The following PTPRD variants were observed in gnomAD, a reference collection of about 807,000 sequenced individuals.
PTPRD encodes receptor-type tyrosine-protein phosphatase delta.
A neutral mutation model predicts 214.5 loss-of-function variants in PTPRD; 34 were observed. The ratio of observed to expected loss-of-function variants is 0.16; its 90% CI spans 0.12 to 0.21. The LOEUF is 0.21. Among genes scored for constraint, PTPRD ranks in the 10% least tolerant of loss-of-function variants. The pLI is 1.00. For missense variants in PTPRD, 2,545 were observed against 2,398.7 expected (o/e 1.06, Z -1.27); for synonymous variants, 1,128 against 845.7 (o/e 1.33, Z -5.79).
rs75082064 is a variant in PTPRD at position 8,832,581 on chromosome 9, G to C, written c.-103-98635C>G. Among the ~76,000 whole-genome samples the C allele has an allele frequency of 5.3e-5, 8 of 152,176 alleles. No individual in the cohort carries two copies. The East Asian group carries it at 1.5e-3, about 29-fold the overall frequency. ...GAGGTCACAATATACTTCAAGTTAT[G>C]AGAAAGAGAAAATTAACCAGTGTTT... On this transcript the variant is annotated intron_variant, in intron 11 of 45. Transcript: ENST00000381196.
chr9:10,484,565 TG>T (rs2132339283), intron 2 of PTPRD, among the ~76,000 whole-genome samples: 1 of 152,238 alleles, frequency 6.6e-6, no homozygotes, highest in South Asian at 2.1e-4. Context: ...GCCTGTCTTT[TG>T]GATAAAAGCC....
intron 8 of PTPRD, among the ~76,000 whole-genome samples, chr9:9,515,571 G>A (rs893374489): frequency 6.6e-6 from 1 of 151,958 alleles, no homozygotes; most frequent in African/African-American, 2.4e-5. Context: ...TCTCGAGGTG[G>A]TTGCAAAATG....
chr9:8,577,803 G>A (rs1271605259), intron 14 of PTPRD, among the ~76,000 whole-genome samples: 2 of 152,100 alleles, frequency 1.3e-5, no homozygotes, highest in Non-Finnish European at 2.9e-5. Flanking sequence ...AAAATCTCGG[G>A]CCCTACTCAA....
chr9:10,352,041 T>G (rs1292855110), intron 2 of PTPRD, among the ~76,000 whole-genome samples: 1 of 151,978 alleles, frequency 6.6e-6, no homozygotes, highest in African/African-American at 2.4e-5. Context: ...CCACAAGTGG[T>G]GGAAAGAGAA....
chr9:9,976,466 AAC>A (rs2095355690), intron 4 of PTPRD, among the ~76,000 whole-genome samples: 3 of 151,794 alleles, frequency 2.0e-5, no homozygotes, highest in Non-Finnish European at 4.4e-5. Context: ...GGCTCACTGC[AAC>A]CTTTGCCTCC....
At chr9:9,242,117 T>C (rs10816072) in intron 9 of PTPRD, among the ~76,000 whole-genome samples, 26,113 of 152,010 alleles carry the variant, frequency 0.17, 2,743 homozygotes, top group East Asian at 0.37. Flanking sequence ...TTAGTTTGGC[T>C]GGATATGAAA....
At chr9:8,812,845 A>G (rs2096839165) in intron 11 of PTPRD, among the ~76,000 whole-genome samples, 1 of 151,980 alleles carries the variant, frequency 6.6e-6, no homozygotes, top group South Asian at 2.1e-4. Context: ...CATCTTAAGG[A>G]AAACAGTCTT....
chr9:10,492,811 C>T (rs1349142096), intron 2 of PTPRD, among the ~76,000 whole-genome samples: 2 of 152,040 alleles, frequency 1.3e-5, no homozygotes, highest in Admixed American at 6.6e-5. Flanking sequence ...AGTGGTATTG[C>T]CTAGACTTTC....
chr9:9,570,525 T>C (rs533513257), intron 8 of PTPRD, among the ~76,000 whole-genome samples: 1 of 151,730 alleles, frequency 6.6e-6, no homozygotes, highest in East Asian at 1.9e-4. Context: ...GAAATATTTA[T>C]TTCTATAACT....
chr9:10,002,768 T>C (rs1439210537), intron 4 of PTPRD, among the ~76,000 whole-genome samples: 2 of 148,944 alleles, frequency 1.3e-5, no homozygotes, highest in East Asian at 2.0e-4. Context: ...CTTTCAATAA[T>C]AGATAAAATG....
intron 8 of PTPRD, among the ~76,000 whole-genome samples, chr9:9,566,465 G>T (rs964050506): frequency 6.6e-6 from 1 of 151,888 alleles, no homozygotes. Context: ...AAACTTGTGC[G>T]AGAGCTTATA....
intron 9 of PTPRD, among the ~76,000 whole-genome samples, chr9:9,269,168 A>G (rs1941644174): frequency 6.6e-6 from 1 of 151,408 alleles, no homozygotes; most frequent in African/African-American, 2.4e-5. Context: ...CAACAACAAT[A>G]AAGCTAAATA....
chr9:10,202,673 T>G (rs113732068), intron 3 of PTPRD, among the ~76,000 whole-genome samples: 29 of 112,322 alleles, frequency 2.6e-4, no homozygotes, highest in Middle Eastern at 4.2e-3. Flanking sequence ...ATTATATGGA[T>G]ATATATATAT....
intron 2 of PTPRD, among the ~76,000 whole-genome samples, chr9:10,378,905 G>A (rs2097774025): frequency 1.3e-5 from 2 of 152,082 alleles, no homozygotes; most frequent in East Asian, 2.0e-4. Context: ...ATGACTTTGG[G>A]TAGTACGGAC....
At chr9:9,797,842 T>A (rs1396973336) in intron 5 of PTPRD, among the ~76,000 whole-genome samples, 1 of 151,994 alleles carries the variant, frequency 6.6e-6, no homozygotes, top group East Asian at 1.9e-4. Flanking sequence ...CAGCGAGACT[T>A]AATCTCAAAA....
At chr9:8,516,412 A>G (rs2097781732) in intron 21 of PTPRD, among the ~76,000 whole-genome samples, 1 of 152,216 alleles carries the variant, frequency 6.6e-6, no homozygotes, top group Non-Finnish European at 1.5e-5. Context: ...ACAAGCCAAT[A>G]AGAACCAAAT....
chr9:8,511,183 C>G (rs2097672851), intron 21 of PTPRD, among the ~76,000 whole-genome samples: 1 of 152,128 alleles, frequency 6.6e-6, no homozygotes, highest in South Asian at 2.1e-4. Flanking sequence ...CTCCTTCCAC[C>G]TCAGCCCCCT....
At chr9:10,470,962 T>A (rs147101060) in intron 2 of PTPRD, among the ~76,000 whole-genome samples, 1 of 152,190 alleles carries the variant, frequency 6.6e-6, no homozygotes, top group East Asian at 1.9e-4. Flanking sequence ...TGGAATATTA[T>A]GCAGCCATAA....
chr9:8,680,877 T>C (rs2097537312), intron 12 of PTPRD, among the ~76,000 whole-genome samples: 1 of 152,216 alleles, frequency 6.6e-6, no homozygotes, highest in African/African-American at 2.4e-5. Context: ...GTCGAATGAT[T>C]GGCCTCACGG....
Sources: allele counts gnomAD v4.1 joint callset (sites outside exome capture counted in the v4.1 genomes callset), GRCh38; gene constraint gnomAD v4.1.1; transcripts MANE v1.5; gene names NCBI Gene and HGNC (gene_info 2026-07-23, HGNC 2026-07-21).